Variants in ZCWPW2 observed in about 807,000 individuals in gnomAD.
The protein encoded by ZCWPW2 is zinc finger CW-type PWWP domain protein 2.
In ZCWPW2, 45 loss-of-function variants were observed where a neutral mutation model predicts 46.6. The ratio of observed to expected loss-of-function variants is 0.96; its 90% CI spans 0.76 to 1.24. The LOEUF is 1.24. Ranked by LOEUF, ZCWPW2 falls within the 50% of genes most tolerant of loss-of-function variation. The probability of loss-of-function intolerance (pLI) is 0.00; values close to 1 mark genes in which losing one functional copy is unlikely to be tolerated. For synonymous variants in ZCWPW2, 152 were observed against 137.1 expected (o/e 1.11, Z -0.76); for missense variants, 429 against 403.9 (o/e 1.06, Z -0.53).
At chr3:28,349,629 T>TC (rs976708551) in intron 1 of ZCWPW2, among the ~76,000 whole-genome samples, 71 of 152,278 alleles carry the variant, frequency 4.7e-4, no homozygotes, top group African/African-American at 1.6e-3. Flanking sequence ...TGATAGACCG[T>TC]CCCTAGCTGT....
intron 3 of ZCWPW2, among the ~76,000 whole-genome samples, chr3:28,414,713 T>G (rs983574986): frequency 2.0e-5 from 2 of 98,984 alleles, no homozygotes; most frequent in African/African-American, 8.0e-5. Context: ...CGGTGTTTGG[T>G]TTTTTGTCCT....
intron 4 of ZCWPW2, among the ~76,000 whole-genome samples, chr3:28,477,660 T>C (rs781441349): frequency 3.9e-5 from 6 of 152,202 alleles, no homozygotes; most frequent in Non-Finnish European, 7.4e-5. Flanking sequence ...TTTAAATATA[T>C]AGTTTCATTC....
At chr3:28,366,064 A>G (rs566832919) in intron 1 of ZCWPW2, among the ~76,000 whole-genome samples, 1 of 152,108 alleles carries the variant, frequency 6.6e-6, no homozygotes, top group African/African-American at 2.4e-5. Context: ...GGGGTTTTCT[A>G]GATATACAAT....
intron 3 of ZCWPW2, 39 bp from the exon 4 acceptor site, chr3:28,435,071 A>T (rs768799485): frequency 1.3e-5 from 20 of 1,597,322 alleles, no homozygotes; most frequent in Non-Finnish European, 1.7e-5. Context: ...CTACCTTTTT[A>T]AAAGCATCAA....
intron 3 of ZCWPW2, among the ~76,000 whole-genome samples, chr3:28,421,485 T>C (rs758705910): frequency 1.3e-5 from 2 of 152,076 alleles, no homozygotes; most frequent in Non-Finnish European, 2.9e-5. Context: ...GATAAAGCAG[T>C]TATTCTGTGT....
chr3:28,509,475 T>A (rs2125830240), intron 6 of ZCWPW2, among the ~76,000 whole-genome samples: 1 of 152,286 alleles, frequency 6.6e-6, no homozygotes, highest in South Asian at 2.1e-4. Context: ...TTTCTTCACA[T>A]CCCTGTGAAC....
intron 3 of ZCWPW2, among the ~76,000 whole-genome samples, chr3:28,424,424 A>T (rs1696921921): frequency 2.0e-5 from 3 of 152,176 alleles, no homozygotes; most frequent in Non-Finnish European, 4.4e-5. Flanking sequence ...AGAGGTAATT[A>T]AGTGAAAATG....
chr3:28,411,952 G>A (rs1467276886), intron 2 of ZCWPW2, among the ~76,000 whole-genome samples: 1 of 152,008 alleles, frequency 6.6e-6, no homozygotes, highest in Non-Finnish European at 1.5e-5. Flanking sequence ...ATTTGCATGA[G>A]TGGGATTAGT....
intron 3 of ZCWPW2, among the ~76,000 whole-genome samples, chr3:28,422,438 C>G (rs576158864): frequency 6.6e-6 from 1 of 152,276 alleles, no homozygotes; most frequent in African/African-American, 2.4e-5. Context: ...ATAGTATTGT[C>G]TTTTCTAGAA....
chr3:28,482,154 C>T (rs532376366), intron 5 of ZCWPW2, among the ~76,000 whole-genome samples: 28 of 152,216 alleles, frequency 1.8e-4, no homozygotes, highest in East Asian at 5.8e-4. Context: ...CTGTTTGTTT[C>T]TACCTCCCCC....
intron 1 of ZCWPW2, among the ~76,000 whole-genome samples, chr3:28,383,748 G>A (rs1270866516): frequency 6.6e-6 from 1 of 152,046 alleles, no homozygotes; most frequent in African/African-American, 2.4e-5. Flanking sequence ...TCCCTCACAT[G>A]AACCTAAACC....
At chr3:28,485,803 G>C (rs961577678) in intron 5 of ZCWPW2, among the ~76,000 whole-genome samples, 2 of 151,934 alleles carry the variant, frequency 1.3e-5, no homozygotes, top group South Asian at 4.2e-4. Context: ...TAATATCATG[G>C]ATTAATAGTT....
intron 3 of ZCWPW2, among the ~76,000 whole-genome samples, chr3:28,429,443 T>A (rs1382435282): frequency 6.6e-6 from 1 of 152,116 alleles, no homozygotes; most frequent in Non-Finnish European, 1.5e-5. Context: ...TTCACAAAGA[T>A]ATGGTTTGGA....
chr3:28,398,205 C>T (rs1248387775), intron 2 of ZCWPW2: 1 of 152,210 alleles, frequency 6.6e-6, no homozygotes, highest in African/African-American at 2.4e-5. Flanking sequence ...TATCTTCTCA[C>T]TGTATCCTCA....
At chr3:28,484,704 C>T (rs756907646) in intron 5 of ZCWPW2, among the ~76,000 whole-genome samples, 2 of 150,702 alleles carry the variant, frequency 1.3e-5, no homozygotes, top group Admixed American at 6.6e-5. Flanking sequence ...CTCCCTCCCT[C>T]CCTTCTTCCC....
At chr3:28,487,081 A>T (rs1221572260) in intron 5 of ZCWPW2, among the ~76,000 whole-genome samples, 1 of 151,876 alleles carries the variant, frequency 6.6e-6, no homozygotes, top group Non-Finnish European at 1.5e-5. Context: ...TGAATATGAT[A>T]TGTAGATTTT....
chr3:28,401,136 A>G lies in ZCWPW2; in HGVS notation c.-14+10519A>G, dbSNP rs140394470. On this transcript the variant is annotated intron_variant, in intron 2 of 9. Coordinates refer to ENST00000383768, the MANE Select transcript of ZCWPW2 (RefSeq NM_001040432.4). Reference sequence around the variant, plus strand: ...GGAGCTTGCAGTGAGCTGAGATTGCACCCCTGCACTCCAGCCTGGGCGACG... The same window carrying G: ...GGAGCTTGCAGTGAGCTGAGATTGCGCCCCTGCACTCCAGCCTGGGCGACG... Among the ~76,000 whole-genome samples the G allele has an allele frequency of 2.5e-3, 384 of 151,650 alleles. 2 individuals carry two copies. Among genetic ancestry groups the G allele is most frequent in the African/African-American group, 8.4e-3 (348 of 41,326 alleles).
chr3:28,466,475 T>C (rs949972232), intron 4 of ZCWPW2, among the ~76,000 whole-genome samples: 5 of 152,160 alleles, frequency 3.3e-5, no homozygotes, highest in African/African-American at 1.2e-4. Flanking sequence ...CTGTGTGAAT[T>C]AAACTTCAAA....
intron 2 of ZCWPW2, among the ~76,000 whole-genome samples, 189 bp downstream of exon 2, chr3:28,390,806 G>A (rs1695456129): frequency 6.6e-6 from 1 of 152,126 alleles, no homozygotes; most frequent in Non-Finnish European, 1.5e-5. Context: ...CCCAAAGTTA[G>A]CCACAAATTA....
Sources: gnomAD v4.1 joint callset for allele counts (sites outside exome capture counted in the v4.1 genomes callset) on GRCh38, gnomAD v4.1.1 for gene constraint, MANE v1.5 for transcripts, NCBI Gene and HGNC (gene_info 2026-07-23, HGNC 2026-07-21) for gene names.